The following PLXDC1 variants were observed in gnomAD, a reference collection of about 807,000 sequenced individuals.
PLXDC1 encodes the protein plexin domain containing 1.
A neutral mutation model predicts 61.3 loss-of-function variants in PLXDC1; 39 were observed. That is an observed-to-expected ratio of 0.64 (90% CI 0.49 to 0.83). The LOEUF (loss-of-function observed/expected upper bound fraction) is 0.83, where lower values mean the gene tolerates loss of function less well. PLXDC1 is among the 40% of genes least tolerant of loss of function. The pLI is 0.00. For synonymous variants in PLXDC1, 212 were observed against 254.5 expected (o/e 0.83, Z 1.59); for missense variants, 596 against 666.5 (o/e 0.89, Z 1.17).
chr17:39,139,764 G>A lies in PLXDC1; in HGVS notation c.145C>T (p.Arg49Ter), dbSNP rs770569886. 9.3e-6 allele frequency: 15 copies of A among 1,613,924 alleles called. No homozygotes were observed. The highest frequency in any genetic ancestry group is 6.6e-5 in the South Asian group (6 of 91,066). Residue 49 changes from arginine (R) to a stop codon, truncating the protein, a stop_gained, in exon 2 of 14, where the codon CGA becomes TGA. Transcript: ENST00000315392. LOFTEE classifies it high-confidence loss of function. ...GTVRGWNRRA[R>*]ESPGHVSEPD... ...TCTGACACATGCCCAGGGCTCTCTC[G>A]GGCTCTCCGGTTCCAGCCCCGCACG...
chr17:39,083,547 G>A lies in PLXDC1; in HGVS notation c.908-7C>T. On this transcript the variant is annotated splice_polypyrimidine_tract_variant and splice_region_variant and intron_variant, in intron 8 of 13. Coordinates refer to ENST00000315392, the MANE Select transcript of PLXDC1 (RefSeq NM_020405.5). ...CTCCTATGCTGCAGGCAGGCTGCAA[G>A]AGAGAAGGCAGTGGCCGCTCAGCAC... The A allele has an allele frequency of 6.2e-7, 1 of 1,608,538 alleles. No individual in the cohort carries two copies.
At chr17:39,106,258 GT>G (rs1374584567) in intron 6 of PLXDC1, among the ~76,000 whole-genome samples, 1 of 151,628 alleles carries the variant, frequency 6.6e-6, no homozygotes, top group Non-Finnish European at 1.5e-5. Context: ...TCCGAATTCT[GT>G]TGCTTAACCT....
At chr17:39,141,148 G>A (rs1003967535) in intron 1 of PLXDC1, among the ~76,000 whole-genome samples, 2 of 152,204 alleles carry the variant, frequency 1.3e-5, no homozygotes, top group African/African-American at 4.8e-5. Context: ...TCCCACCTCA[G>A]CTTCCTAAGT....
At chr17:39,125,487 C>T (rs1391236968) in intron 2 of PLXDC1, among the ~76,000 whole-genome samples, 1 of 152,170 alleles carries the variant, frequency 6.6e-6, no homozygotes, top group Non-Finnish European at 1.5e-5. Flanking sequence ...CTGGCAATGA[C>T]CCAAATGTGG....
intron 2 of PLXDC1, among the ~76,000 whole-genome samples, chr17:39,128,117 A>ATATATATATATATATATATATATATATG (rs1419979117): frequency 9.3e-5 from 9 of 96,394 alleles, no homozygotes; most frequent in African/African-American, 4.1e-4. Flanking sequence ...ATATATATGT[A>ATATATATATATATATATATATATATATG]TATATATATG....
At chr17:39,105,764 C>T in intron 7 of PLXDC1, 90 bp downstream of exon 7, 1 of 762,608 alleles carries the variant, frequency 1.3e-6, no homozygotes, top group Non-Finnish European at 2.2e-6. Flanking sequence ...TTGTCTACTC[C>T]CTGCCACTGC....
intron 9 of PLXDC1, among the ~76,000 whole-genome samples, chr17:39,082,634 C>T (rs1368559699): frequency 6.6e-6 from 1 of 151,580 alleles, no homozygotes; most frequent in Admixed American, 6.6e-5. Flanking sequence ...AACTCAGAGA[C>T]TATAATTTAG....
chr17:39,130,725 T>C (rs1202388553), intron 2 of PLXDC1, among the ~76,000 whole-genome samples: 16 of 151,926 alleles, frequency 1.1e-4, no homozygotes, highest in Admixed American at 1.0e-3. Context: ...CACGCCCGGC[T>C]AATTTTGTAT....
rs549934100 is a variant in PLXDC1, at chr17:39,138,600, T to C, written c.255+1054A>G. On this transcript the variant is annotated intron_variant, in intron 2 of 13. Transcript: ENST00000315392. ...AGTATAAGCAAATCCCTTGGAAATA[T>C]GGAAGTAAACTCCAGAGGAAACAGC... 2.0e-4 allele frequency among the ~76,000 whole-genome samples: 30 copies of C among 152,064 alleles called. No homozygotes were observed. The South Asian group carries it at 2.7e-3, about 14-fold the overall frequency.
At chr17:39,102,630 T>C (rs1005989321) in intron 7 of PLXDC1, among the ~76,000 whole-genome samples, 1 of 152,126 alleles carries the variant, frequency 6.6e-6, no homozygotes, top group Non-Finnish European at 1.5e-5. Flanking sequence ...GGCAGCTCAC[T>C]GTGTGCTGAG....
chr17:39,148,695 AG>A (rs1390201456), intron 1 of PLXDC1, among the ~76,000 whole-genome samples: 1 of 152,002 alleles, frequency 6.6e-6, no homozygotes, highest in Non-Finnish European at 1.5e-5. Flanking sequence ...TCGGCCTCCC[AG>A]AGTGCTGGGA....
chr17:39,112,745 T>C (rs982233459), intron 2 of PLXDC1, among the ~76,000 whole-genome samples: 2 of 152,146 alleles, frequency 1.3e-5, no homozygotes, highest in African/African-American at 2.4e-5. Flanking sequence ...TAGGAAGTGT[T>C]TGCTGGAGGT....
chr17:39,107,676 C>A (rs1325870763), intron 5 of PLXDC1, 151 bp from the exon 6 acceptor site: 1 of 686,384 alleles, frequency 1.5e-6, no homozygotes, highest in East Asian at 2.7e-5. Flanking sequence ...AGCTGGGCAG[C>A]TCACTAAAGC....
intron 2 of PLXDC1, among the ~76,000 whole-genome samples, chr17:39,123,519 G>GA (rs1911228914): frequency 6.6e-6 from 1 of 151,964 alleles, no homozygotes; most frequent in African/African-American, 2.4e-5. Context: ...GGGGTTTCTT[G>GA]AAAGGATTAG....
upstream of PLXDC1, chr17:39,152,455 C>G (rs775135980): frequency 2.3e-5 from 25 of 1,081,282 alleles, no homozygotes; most frequent in Non-Finnish European, 5.9e-6. Flanking sequence ...TCTTCCAGGA[C>G]AGAATAAAAA....
intron 7 of PLXDC1, among the ~76,000 whole-genome samples, chr17:39,096,678 G>C (rs62076654): frequency 0.028 from 4,284 of 152,296 alleles, 63 homozygotes; most frequent in Non-Finnish European, 0.04. Flanking sequence ...GCCAGCCAAG[G>C]GGCAGGCTAC....
At chr17:39,076,927 G>A (rs1262730281) in intron 11 of PLXDC1, among the ~76,000 whole-genome samples, 4 of 152,088 alleles carry the variant, frequency 2.6e-5, no homozygotes, top group Non-Finnish European at 4.4e-5. Flanking sequence ...GTAGAGATGG[G>A]TTTCACTGTG....
intron 7 of PLXDC1, among the ~76,000 whole-genome samples, chr17:39,087,906 ACT>A (rs1298638476): frequency 6.6e-6 from 1 of 152,028 alleles, no homozygotes; most frequent in Non-Finnish European, 1.5e-5. Context: ...AGGCTAAGTG[ACT>A]CAACGCAGAG....
chr17:39,104,597 A>C (rs1233776272), intron 7 of PLXDC1, among the ~76,000 whole-genome samples: 1 of 152,084 alleles, frequency 6.6e-6, no homozygotes, highest in Non-Finnish European at 1.5e-5. Flanking sequence ...AAGCCTGGGA[A>C]ACATAGCAAG....
Sources: allele counts gnomAD v4.1 joint callset (sites outside exome capture counted in the v4.1 genomes callset), GRCh38; gene constraint gnomAD v4.1.1; transcripts MANE v1.5; gene names NCBI Gene and HGNC (gene_info 2026-07-23, HGNC 2026-07-21).